Variants in THADA observed in about 807,000 individuals in gnomAD.
THADA encodes the protein THADA armadillo repeat containing.
In THADA, 213 loss-of-function variants were observed where a neutral mutation model predicts 219.8. The ratio of observed to expected loss-of-function variants is 0.97; its 90% CI spans 0.87 to 1.09. The LOEUF is 1.09. Among genes scored for constraint, THADA ranks in the 50% least tolerant of loss-of-function variants. The pLI is 0.00. For missense variants in THADA, 2,956 were observed against 2,311.3 expected, an observed-to-expected ratio of 1.28 and a Z score of -5.72; for synonymous variants, 1,018 against 828.9, an observed-to-expected ratio of 1.23 and a Z score of -3.92.
chr2:43,436,351 G>A (rs1219681040), intron 26 of THADA, among the ~76,000 whole-genome samples: 1 of 152,064 alleles, frequency 6.6e-6, no homozygotes. Flanking sequence ...TTTTGAAATT[G>A]CCCCAAGAGC....
intron 28 of THADA, among the ~76,000 whole-genome samples, chr2:43,424,190 C>T (rs1190813366): frequency 6.6e-6 from 1 of 152,114 alleles, no homozygotes; most frequent in African/African-American, 2.4e-5. Context: ...AGGAGTAAAA[C>T]TACATATAAT....
chr2:43,358,546 G>A (rs1325611282), intron 29 of THADA, among the ~76,000 whole-genome samples: 1 of 152,160 alleles, frequency 6.6e-6, no homozygotes, highest in African/African-American at 2.4e-5. Context: ...CTGCAAATGA[G>A]GCCAAAAGAA....
At chr2:43,304,884 C>T (rs934591561) in intron 31 of THADA, among the ~76,000 whole-genome samples, 1 of 152,140 alleles carries the variant, frequency 6.6e-6, no homozygotes, top group Non-Finnish European at 1.5e-5. Flanking sequence ...GTTGGCCAGG[C>T]TGGTCTTGAA....
At chr2:43,511,685 G>A (rs1157269293) in intron 22 of THADA, among the ~76,000 whole-genome samples, 2 of 131,524 alleles carry the variant, frequency 1.5e-5, no homozygotes, top group African/African-American at 3.0e-5. Context: ...CTAAGCATTC[G>A]TTTATGGTCT....
intron 27 of THADA, among the ~76,000 whole-genome samples, chr2:43,430,011 A>G (rs928162299): frequency 5.3e-5 from 8 of 152,188 alleles, no homozygotes; most frequent in African/African-American, 1.9e-4. Context: ...TCTACAAAAA[A>G]TACAAAAATG....
At chr2:43,404,658 G>A (rs902687700) in intron 28 of THADA, among the ~76,000 whole-genome samples, 37 of 152,108 alleles carry the variant, frequency 2.4e-4, no homozygotes, top group Admixed American at 1.6e-3. Flanking sequence ...CATCATGTCT[G>A]CTAGACTGAA....
chr2:43,322,241 C>T (rs1357042155), intron 30 of THADA, among the ~76,000 whole-genome samples: 3 of 151,904 alleles, frequency 2.0e-5, no homozygotes, highest in Admixed American at 6.6e-5. Context: ...TGGTGGCTCA[C>T]GTCTGTAATC....
intron 30 of THADA, among the ~76,000 whole-genome samples, chr2:43,339,430 G>GC (rs1318110635): frequency 6.6e-6 from 1 of 152,136 alleles, no homozygotes; most frequent in Admixed American, 6.5e-5. Context: ...ACAGGCGTGT[G>GC]CCACCACTCA....
At chr2:43,375,003 G>C (rs1671211461) in intron 29 of THADA, among the ~76,000 whole-genome samples, 1 of 151,784 alleles carries the variant, frequency 6.6e-6, no homozygotes. Context: ...CTTTCAGTCT[G>C]GGGAGGTAAG....
chr2:43,285,567 GTT>G (rs796871846), intron 35 of THADA, among the ~76,000 whole-genome samples: 6 of 141,442 alleles, frequency 4.2e-5, no homozygotes, highest in Admixed American at 1.4e-4. Flanking sequence ...GTCTCAGGTA[GTT>G]TTTTTTTTTT....
At chr2:43,269,848 G>C (rs776712676) in intron 36 of THADA, among the ~76,000 whole-genome samples, 4 of 152,238 alleles carry the variant, frequency 2.6e-5, no homozygotes, top group African/African-American at 9.6e-5. Context: ...AGCCAGCTAC[G>C]GAGAGAGGCC....
chr2:43,294,655 C>G (rs917081778), intron 31 of THADA, among the ~76,000 whole-genome samples: 1 of 152,102 alleles, frequency 6.6e-6, no homozygotes, highest in African/African-American at 2.4e-5. Flanking sequence ...CCCATTTTCA[C>G]TGAAGTGCTC....
rs186695837 is a variant in THADA at position 43,555,123 on chromosome 2, C to T, written c.2674+1222G>A. Among the ~76,000 whole-genome samples the T allele has an allele frequency of 1.3e-4, 20 of 151,774 alleles. No individual in the cohort carries two copies. The East Asian group carries it at 3.5e-3, about 26-fold the overall frequency. ...GAGAAAAAGTCCATCAACAGGAGAACGGATTCATAAATTGTGGTAAATCTG... is the reference window on the plus strand; with the variant it reads ...GAGAAAAAGTCCATCAACAGGAGAATGGATTCATAAATTGTGGTAAATCTG... On this transcript the variant is annotated intron_variant, in intron 17 of 37. Coordinates refer to ENST00000405975, the MANE Select transcript of THADA (RefSeq NM_022065.5).
At chr2:43,481,876 C>A (rs941533090) in intron 26 of THADA, among the ~76,000 whole-genome samples, 2 of 152,124 alleles carry the variant, frequency 1.3e-5, no homozygotes, top group African/African-American at 4.8e-5. Flanking sequence ...CAAAAATAAA[C>A]CTTTTCTGAT....
At position 43,275,658 on chromosome 2, in the gene THADA, C is replaced by A. The variant is rs183561393; in HGVS notation, c.5296+4107G>T. Reference sequence around the variant, plus strand: ...CTTGCATCAGAGTGAAAGAGCTCTGCAAAAAGAAAAGGCTCAGGTATCCCT... The same window carrying A: ...CTTGCATCAGAGTGAAAGAGCTCTGAAAAAAGAAAAGGCTCAGGTATCCCT... On this transcript the variant is annotated intron_variant, in intron 36 of 37. Coordinates refer to ENST00000405975, the MANE Select transcript of THADA (RefSeq NM_022065.5). Among the ~76,000 whole-genome samples the A allele has an allele frequency of 3.3e-3, 498 of 152,250 alleles. 3 individuals are homozygous for A. The highest frequency in any genetic ancestry group is 4.1e-3 in the Non-Finnish European group (281 of 68,018).
In THADA at chr2:43,527,902, C is replaced by T. The variant is rs1254489709; in HGVS notation, c.3351G>A (p.Val1117=). ...ACCTGTTTAGTACTTCAGTGAGTTT[C>T]ACAAAACCAGTATAAGCCAATTCAA... The part of the protein sequence containing the change: ...GAFELAYTGF[V]KLTEVLNRCP... The change falls in exon 22 of 38, where the codon GTG becomes GTA. Residue 1117 remains valine, a synonymous_variant. Coordinates refer to ENST00000405975, the MANE Select transcript of THADA (RefSeq NM_022065.5). The T allele has an allele frequency of 1.9e-6, 3 of 1,612,846 alleles. No homozygotes were observed. Among genetic ancestry groups the T allele is most frequent in the Non-Finnish European group, 2.5e-6 (3 of 1,179,310 alleles).
Position 43,560,282 on chromosome 2 carries a change from TA to T in THADA, c.2414del (p.Leu805Ter). On this transcript the variant is annotated frameshift_variant, in exon 16 of 38. Transcript: ENST00000405975. LOFTEE classifies it high-confidence loss of function. ...FTSTFEDVKILAFDLLMKLSK... is the reference protein window; with the variant it reads ...FTSTFEDVKIXAFDLLMKLSK... ...ATAACTTCATCAGAAGATCAAATGC[TA>T]AAATTTTCACGTCTTCAAAAGTGCT... is the stretch of plus-strand genomic sequence containing the variant. 1 of 1,612,546 alleles carries T rather than the reference TA, an allele frequency of 6.2e-7. No homozygotes were observed. Among genetic ancestry groups the T allele is most frequent in the Non-Finnish European group, 8.5e-7 (1 of 1,179,298 alleles).
chr2:43,451,715 G>A (rs1353546137), intron 26 of THADA, among the ~76,000 whole-genome samples: 1 of 152,132 alleles, frequency 6.6e-6, no homozygotes, highest in Non-Finnish European at 1.5e-5. Context: ...ACTCTTCTTT[G>A]TTAATTCTAA....
intron 29 of THADA, among the ~76,000 whole-genome samples, chr2:43,383,184 G>T (rs751356032): frequency 2.7e-4 from 41 of 152,242 alleles, no homozygotes; most frequent in Middle Eastern, 3.4e-3. Flanking sequence ...ATTAATAAAA[G>T]ATGCATCTAA....
Sources: gnomAD v4.1 joint callset for allele counts (sites outside exome capture counted in the v4.1 genomes callset) on GRCh38, gnomAD v4.1.1 for gene constraint, MANE v1.5 for transcripts, NCBI Gene and HGNC (gene_info 2026-07-23, HGNC 2026-07-21) for gene names.